The following EPB41 variants were observed in gnomAD, a reference collection of about 807,000 sequenced individuals.
The protein encoded by EPB41 is protein 4.1.
In EPB41, 65 loss-of-function variants were observed where a neutral mutation model predicts 108.0. That is an observed-to-expected ratio of 0.60 (90% confidence interval 0.49 to 0.74). The LOEUF is 0.74. Ranked by LOEUF, EPB41 falls within the 30% of genes least tolerant of loss-of-function variation. The probability of loss-of-function intolerance (pLI) is 0.00; values close to 1 mark genes in which losing one functional copy is unlikely to be tolerated. For missense variants in EPB41, 875 were observed against 1,037.0 expected, an observed-to-expected ratio of 0.84 and a Z score of 2.15; for synonymous variants, 336 against 358.9, an observed-to-expected ratio of 0.94 and a Z score of 0.72.
At chr1:29,065,272 C>G in intron 16 of EPB41, 114 bp downstream of exon 16, 1 of 1,415,652 alleles carries the variant, frequency 7.1e-7, no homozygotes, top group Non-Finnish European at 9.3e-7. Context: ...TTTGGTGCCT[C>G]ACTATATTCA....
chr1:29,010,108 G>A (rs1433485269), intron 4 of EPB41, among the ~76,000 whole-genome samples: 1 of 152,028 alleles, frequency 6.6e-6, no homozygotes, highest in Non-Finnish European at 1.5e-5. Flanking sequence ...AGGCCGAGGT[G>A]GGCAGATCAC....
chr1:28,992,523 CTAAA>C (rs1390329267), intron 2 of EPB41, among the ~76,000 whole-genome samples: 2 of 152,090 alleles, frequency 1.3e-5, no homozygotes, highest in Non-Finnish European at 2.9e-5. Flanking sequence ...CCCATCTCTA[CTAAA>C]AGTACAAAAA....
At chr1:28,972,208 G>T (rs865775847) in intron 1 of EPB41, among the ~76,000 whole-genome samples, 1 of 152,174 alleles carries the variant, frequency 6.6e-6, no homozygotes, top group Non-Finnish European at 1.5e-5. Flanking sequence ...AGGATTACAG[G>T]CTTGAGCCAC....
intron 1 of EPB41, among the ~76,000 whole-genome samples, chr1:28,954,450 C>T (rs760814035): frequency 6.6e-6 from 1 of 152,094 alleles, no homozygotes; most frequent in Non-Finnish European, 1.5e-5. Context: ...AATCAGGGAA[C>T]CCCTTTGTTT....
rs376688349 is a variant in EPB41, at chr1:29,065,226, C to G, written c.2184+68C>G. ...ATAAATGTTTTTATGTATTAATATTCTGTATCTGAGAGAAAGCTTAGAGCT... is the reference window on the plus strand; with the variant it reads ...ATAAATGTTTTTATGTATTAATATTGTGTATCTGAGAGAAAGCTTAGAGCT... On this transcript the variant is annotated intron_variant, in intron 16 of 20. Coordinates refer to ENST00000343067, the MANE Select transcript of EPB41 (RefSeq NM_001376013.1). 10 of 1,479,524 alleles carry G rather than the reference C, an allele frequency of 6.8e-6. No individual in the cohort carries two copies. The African/African-American group carries it at 9.9e-5, about 15-fold the overall frequency. The allele number at this position is 1,479,524 out of a possible 1,614,324, so 91.6% of individuals were successfully genotyped here.
At chr1:28,973,700 T>C (rs1318331267) in intron 1 of EPB41, among the ~76,000 whole-genome samples, 1 of 152,150 alleles carries the variant, frequency 6.6e-6, no homozygotes, top group Non-Finnish European at 1.5e-5. Flanking sequence ...CAACCCCATT[T>C]GTTTTCTTTC....
Position 29,070,323 on chromosome 1 carries a change from C to T in EPB41, c.2184+5165C>T, listed in dbSNP as rs535030917. ...AGCATTTTCCATCTGTCATTTTGTTCATCTTATTCTGTCTTTCTTGATCTT... is the reference window on the plus strand; with the variant it reads ...AGCATTTTCCATCTGTCATTTTGTTTATCTTATTCTGTCTTTCTTGATCTT... On this transcript the variant is annotated intron_variant, in intron 16 of 20. Coordinates refer to ENST00000343067, the MANE Select transcript of EPB41 (RefSeq NM_001376013.1). 40 of 1,214,478 alleles carry T rather than the reference C, an allele frequency of 3.3e-5. No individual in the cohort carries two copies. The Admixed American group carries it at 1.6e-3, about 50-fold the overall frequency. The allele number at this position is 1,214,478 out of a possible 1,614,324, so 75.2% of individuals were successfully genotyped here.
chr1:29,045,108 T>C (rs981961986), intron 11 of EPB41, among the ~76,000 whole-genome samples: 4 of 152,246 alleles, frequency 2.6e-5, no homozygotes, highest in Non-Finnish European at 4.4e-5. Flanking sequence ...TTATATATTG[T>C]AGAATCAGAT....
At chr1:28,975,955 A>AG (rs1557879298) in intron 1 of EPB41, among the ~76,000 whole-genome samples, 5 of 150,948 alleles carry the variant, frequency 3.3e-5, no homozygotes, top group East Asian at 3.9e-4. Context: ...AAAAAAAAAA[A>AG]AAAAAAGAAA....
intron 16 of EPB41, among the ~76,000 whole-genome samples, chr1:29,092,410 T>C (rs1661591869): frequency 1.3e-5 from 2 of 152,046 alleles, no homozygotes; most frequent in African/African-American, 2.4e-5. Flanking sequence ...CTTCTTCCTT[T>C]CTTTATTGTT....
At chr1:29,079,725 T>G (rs959695300) in intron 16 of EPB41, among the ~76,000 whole-genome samples, 1 of 152,174 alleles carries the variant, frequency 6.6e-6, no homozygotes, top group Non-Finnish European at 1.5e-5. Context: ...CTGGGTGCAG[T>G]GGCTCACACC....
intron 1 of EPB41, among the ~76,000 whole-genome samples, chr1:28,905,514 A>C (rs1486519673): frequency 1.3e-5 from 2 of 151,796 alleles, no homozygotes; most frequent in African/African-American, 2.4e-5. Flanking sequence ...AAAACAACAA[A>C]AAACCAGAAA....
At chr1:29,011,122 C>CAAA (rs71022386) in intron 4 of EPB41, among the ~76,000 whole-genome samples, 2 of 113,776 alleles carry the variant, frequency 1.8e-5, no homozygotes, top group Non-Finnish European at 3.6e-5. Flanking sequence ...GAAACTCTGT[C>CAAA]AAAAAAAAAA....
At chr1:28,990,409 CTTTATTT>C (rs1557936508) in intron 2 of EPB41, among the ~76,000 whole-genome samples, 1 of 142,758 alleles carries the variant, frequency 7.0e-6, no homozygotes, top group African/African-American at 2.6e-5. Context: ...CCTTCCCCCT[CTTTATTT>C]ATTTTCTTTT....
chr1:28,907,737 C>G (rs888256434), intron 1 of EPB41, among the ~76,000 whole-genome samples: 1 of 152,048 alleles, frequency 6.6e-6, no homozygotes, highest in Non-Finnish European at 1.5e-5. Flanking sequence ...CTCAGTCTCT[C>G]GAGTAGCTGG....
chr1:28,906,695 CAG>C (rs1315778430), intron 1 of EPB41, among the ~76,000 whole-genome samples: 1 of 152,082 alleles, frequency 6.6e-6, no homozygotes, highest in Admixed American at 6.6e-5. Context: ...TTCCTGAAAG[CAG>C]TACATAGTAG....
chr1:29,047,475 AAC>A (rs1335511819), intron 11 of EPB41, among the ~76,000 whole-genome samples: 1 of 147,146 alleles, frequency 6.8e-6, no homozygotes, highest in African/African-American at 2.5e-5. Context: ...GCTGATCTTG[AAC>A]ACCTGGGCTC....
At chr1:28,940,750 T>C (rs1188584332) in intron 1 of EPB41, among the ~76,000 whole-genome samples, 1 of 152,230 alleles carries the variant, frequency 6.6e-6, no homozygotes, top group East Asian at 1.9e-4. Context: ...TGAGTTATCC[T>C]AGTCCTAAGT....
chr1:29,041,218 G>A (rs1641426069), intron 11 of EPB41: 2 of 152,074 alleles, frequency 1.3e-5, no homozygotes, highest in African/African-American at 4.8e-5. Context: ...GGTGGCTCAT[G>A]CCTGTAATCC....
Sources: allele counts gnomAD v4.1 joint callset (sites outside exome capture counted in the v4.1 genomes callset), GRCh38; gene constraint gnomAD v4.1.1; transcripts MANE v1.5; gene names NCBI Gene and HGNC (gene_info 2026-07-23, HGNC 2026-07-21).